The following SCAMP1 variants were observed in gnomAD, a reference collection of about 807,000 sequenced individuals.
SCAMP1 encodes secretory carrier-associated membrane protein 1.
Under a neutral mutation model 41.8 loss-of-function variants are expected in SCAMP1, and 15 were observed. That is an observed-to-expected ratio of 0.36 (90% confidence interval 0.24 to 0.55). The LOEUF (loss-of-function observed/expected upper bound fraction) is 0.55. Ranked by LOEUF, SCAMP1 falls within the 20% of genes least tolerant of loss-of-function variation. The pLI is 0.86. For missense variants in SCAMP1, 341 were observed against 412.6 expected, an observed-to-expected ratio of 0.83 and a Z score of 1.50; for synonymous variants, 135 against 136.8, an observed-to-expected ratio of 0.99 and a Z score of 0.09.
At chr5:78,381,966 G>A (rs577322844) in intron 1 of SCAMP1, among the ~76,000 whole-genome samples, 18 of 152,320 alleles carry the variant, frequency 1.2e-4, no homozygotes, top group African/African-American at 3.1e-4. Flanking sequence ...TTGGAGGAAG[G>A]GAATGGCAAG....
chr5:78,451,077 G>A (rs770450771), intron 7 of SCAMP1, among the ~76,000 whole-genome samples: 15 of 151,996 alleles, frequency 9.9e-5, no homozygotes, highest in Non-Finnish European at 1.5e-4. Flanking sequence ...TTTAATTCTC[G>A]TGAAAGTGAG....
chr5:78,419,014 A>G (rs1752274748), intron 5 of SCAMP1, 111 bp downstream of exon 5: 1 of 860,552 alleles, frequency 1.2e-6, no homozygotes, highest in Non-Finnish European at 1.8e-6. Flanking sequence ...TTCTATAGAT[A>G]AAGCTTAATA....
Position 78,477,953 on chromosome 5 carries a change from A to G in SCAMP1, c.*2285A>G, listed in dbSNP as rs1370938552. ...GTACTAAAATCACAGTCATGAAATCATAGTCATAAAATGGTCTTCACACAG... is the reference window on the plus strand; with the variant it reads ...GTACTAAAATCACAGTCATGAAATCGTAGTCATAAAATGGTCTTCACACAG... On this transcript the variant is annotated 3_prime_UTR_variant, in exon 9 of 9. Transcript: ENST00000621999. 6.6e-6 allele frequency: 1 copy of G among 152,176 alleles called. No homozygotes were observed. Among genetic ancestry groups the G allele is most frequent in the Non-Finnish European group, 1.5e-5 (1 of 67,972 alleles). 9.4% of individuals were successfully genotyped at this position (152,176 alleles called of 1,614,324 possible).
At chr5:78,424,468 G>A (rs992643334) in intron 6 of SCAMP1, among the ~76,000 whole-genome samples, 2 of 152,030 alleles carry the variant, frequency 1.3e-5, no homozygotes, top group African/African-American at 4.8e-5. Context: ...GGTGGCTCAT[G>A]CCTGTAATCC....
chr5:78,471,506 A>G (rs1023573799), intron 8 of SCAMP1, among the ~76,000 whole-genome samples: 1 of 152,202 alleles, frequency 6.6e-6, no homozygotes, highest in East Asian at 1.9e-4. Context: ...CCCAGCTTTT[A>G]TAAAAGTTGA....
At chr5:78,460,796 C>T (rs775414284) in intron 8 of SCAMP1, among the ~76,000 whole-genome samples, 1,227 of 35,670 alleles carry the variant, frequency 0.034, 122 homozygotes, top group East Asian at 0.11. Context: ...TTCCTTCCTT[C>T]CTTCCTTCCT....
intron 6 of SCAMP1, among the ~76,000 whole-genome samples, chr5:78,447,862 C>CCCTCCTCCCCTG (rs1580702848): frequency 3.4e-5 from 3 of 88,170 alleles, no homozygotes; most frequent in East Asian, 4.4e-4. Context: ...TCCTCCCCTG[C>CCCTCCTCCCCTG]CCCCCTTCCC....
At chr5:78,450,575 G>T (rs1275808268) in intron 7 of SCAMP1, among the ~76,000 whole-genome samples, 1 of 152,114 alleles carries the variant, frequency 6.6e-6, no homozygotes, top group South Asian at 2.1e-4. Flanking sequence ...AGACTATCTG[G>T]ACCCAGGCTA....
chr5:78,429,226 C>T (rs1255147291), intron 6 of SCAMP1, among the ~76,000 whole-genome samples: 1 of 151,658 alleles, frequency 6.6e-6, no homozygotes, highest in Non-Finnish European at 1.5e-5. Context: ...TGCCTTATTC[C>T]CAATTTTAAG....
chr5:78,416,481 A>T (rs759812095), intron 3 of SCAMP1, 60 bp from the exon 4 acceptor site: 7 of 1,275,306 alleles, frequency 5.5e-6, no homozygotes, highest in Non-Finnish European at 7.6e-6. Context: ...GTTAGCATAT[A>T]AATGTTAAAG....
intron 6 of SCAMP1, among the ~76,000 whole-genome samples, chr5:78,428,094 C>CT (rs1176863114): frequency 1.1e-4 from 16 of 152,134 alleles, no homozygotes; most frequent in African/African-American, 3.6e-4. Context: ...AGTATCATGT[C>CT]TAAGATCCTT....
chr5:78,365,472 CAAAAAAAAAA>C (rs35765310), intron 1 of SCAMP1, among the ~76,000 whole-genome samples: 1 of 55,578 alleles, frequency 1.8e-5, no homozygotes, highest in Non-Finnish European at 3.2e-5. Context: ...AGACTCATCT[CAAAAAAAAAA>C]AAAAAAAAAA....
intron 2 of SCAMP1, among the ~76,000 whole-genome samples, chr5:78,391,245 C>A (rs1197213898): frequency 6.6e-6 from 1 of 151,576 alleles, no homozygotes; most frequent in Non-Finnish European, 1.5e-5. Context: ...AGAGGCGCCC[C>A]TCACCTCCCG....
intron 1 of SCAMP1, among the ~76,000 whole-genome samples, chr5:78,377,594 A>G (rs1751098052): frequency 6.6e-6 from 1 of 152,224 alleles, no homozygotes; most frequent in Non-Finnish European, 1.5e-5. Flanking sequence ...AGATTGGGCA[A>G]AGAACTGCTT....
chr5:78,425,777 G>A (rs979135565), intron 6 of SCAMP1, among the ~76,000 whole-genome samples: 1 of 151,674 alleles, frequency 6.6e-6, no homozygotes, highest in Non-Finnish European at 1.5e-5. Context: ...AAAATTCAAT[G>A]ATTTATTTTA....
Position 78,480,438 on chromosome 5 carries a change from T to A in SCAMP1, c.*4770T>A, listed in dbSNP as rs1313140428. 6.6e-6 allele frequency among the ~76,000 whole-genome samples: 1 copy of A among 152,250 alleles called. No homozygotes were observed. Among genetic ancestry groups the A allele is most frequent in the African/African-American group, 2.4e-5 (1 of 41,460 alleles). The stretch of plus-strand genomic sequence containing the variant: ...TAGAATTCCTCCACAACTTTTAATA[T>A]TTTGTATGCCAGTGATTCTCAAGAT... On this transcript the variant is annotated 3_prime_UTR_variant, in exon 9 of 9. Transcript: ENST00000621999.
intron 6 of SCAMP1, among the ~76,000 whole-genome samples, chr5:78,436,525 G>C (rs1752759456): frequency 6.6e-6 from 1 of 152,326 alleles, no homozygotes; most frequent in South Asian, 2.1e-4. Flanking sequence ...TCAAAGATCA[G>C]ATGGTTGGAT....
At chr5:78,424,177 C>T (rs1323612455) in intron 6 of SCAMP1, among the ~76,000 whole-genome samples, 1 of 151,662 alleles carries the variant, frequency 6.6e-6, no homozygotes, top group Non-Finnish European at 1.5e-5. Flanking sequence ...CGCCCAGCCT[C>T]GAGAGGAATA....
chr5:78,413,763 G>C (rs894854472), intron 2 of SCAMP1, among the ~76,000 whole-genome samples: 1 of 152,144 alleles, frequency 6.6e-6, no homozygotes, highest in Non-Finnish European at 1.5e-5. Context: ...CTGAACTACA[G>C]TTATATCTTT....
Sources: allele counts gnomAD v4.1 joint callset (sites outside exome capture counted in the v4.1 genomes callset), GRCh38; gene constraint gnomAD v4.1.1; transcripts MANE v1.5; gene names NCBI Gene and HGNC (gene_info 2026-07-23, HGNC 2026-07-21).